Variants in STAT4 observed in about 807,000 individuals in gnomAD.
The protein encoded by STAT4 is signal transducer and activator of transcription 4.
STAT4 carries 42 observed loss-of-function variants against 110.5 expected under a neutral mutation model. That is an observed-to-expected ratio of 0.38 (90% CI 0.30 to 0.49). STAT4 has a LOEUF of 0.49. STAT4 is among the 20% of genes least tolerant of loss of function. STAT4 has a pLI of 0.95. For synonymous variants in STAT4, 284 were observed against 302.2 expected (o/e 0.94, Z 0.63); for missense variants, 632 against 887.9 (o/e 0.71, Z 3.66).
At chr2:191,105,228 C>G (rs1243323116) in intron 3 of STAT4, among the ~76,000 whole-genome samples, 1 of 152,176 alleles carries the variant, frequency 6.6e-6, no homozygotes, top group Non-Finnish European at 1.5e-5. Flanking sequence ...CCCTTGCTCA[C>G]CAGAAGGTTA....
rs1574133004 is a variant in STAT4, at chr2:191,075,981, C to A, written c.372+246G>T. ...TCCTTCTATCTCAGCCTCCACAGAG[C>A]TAGGACTATAGGCATGTGCCACCAT... On this transcript the variant is annotated intron_variant, in intron 4 of 23. Transcript: ENST00000392320. 8 of 403,008 alleles carry A rather than the reference C, an allele frequency of 2.0e-5. No individual in the cohort carries two copies. In the East Asian group the frequency reaches 3.5e-4, roughly 18 times the overall value. The allele number at this position is 403,008 out of a possible 1,614,324, so 25.0% of individuals were successfully genotyped here. A position where few individuals can be genotyped will look rare whatever the true frequency, so the allele number is the denominator to read the frequency against.
intron 3 of STAT4, among the ~76,000 whole-genome samples, chr2:191,108,245 C>T (rs1052301862): frequency 6.0e-5 from 9 of 150,890 alleles, no homozygotes; most frequent in African/African-American, 1.7e-4. Context: ...GAGCCGAGAT[C>T]GCGCCACTAC....
chr2:191,124,522 A>G (rs2125400090), intron 3 of STAT4, among the ~76,000 whole-genome samples: 1 of 152,138 alleles, frequency 6.6e-6, no homozygotes, highest in African/African-American at 2.4e-5. Context: ...AAGCAGTGGA[A>G]AACAAAGATG....
chr2:191,069,547 A>C, intron 6 of STAT4, 146 bp downstream of exon 6: 1 of 639,368 alleles, frequency 1.6e-6, no homozygotes, highest in Non-Finnish European at 2.7e-6. Flanking sequence ...AGAGATAAGG[A>C]AGAAGCAAAA....
At chr2:191,057,989 A>AT in intron 13 of STAT4, 29 bp downstream of exon 13, 1 of 1,564,404 alleles carries the variant, frequency 6.4e-7, no homozygotes, top group Non-Finnish European at 8.8e-7. Context: ...GGGAAAAAAA[A>AT]GCCTGTTTAA....
Position 191,146,724 on chromosome 2 carries a change from C to T in STAT4, c.162G>A (p.Thr54=), listed in dbSNP as rs867270053. Residue 54 remains threonine, a synonymous_variant, in exon 3 of 24, where the codon ACG becomes ACA. Transcript: ENST00000392320. The surrounding 1 kb of genome is among the most constrained non-coding windows in gnomAD (Gnocchi z 4.5). ...GTATTAACAAGTTTTGAAGAAGAAT[C>T]GTTGCCATGGTTTCATTGTTAGAAG... is the stretch of plus-strand genomic sequence containing the variant. ...EAASNNETMA[T]ILLQNLLIQL... 5.7e-6 allele frequency: 9 copies of T among 1,572,766 alleles called. No individual in the cohort carries two copies. Among genetic ancestry groups the T allele is most frequent in the South Asian group, 1.2e-5 (1 of 82,446 alleles).
intron 3 of STAT4, among the ~76,000 whole-genome samples, chr2:191,078,099 G>GT (rs1003121219): frequency 4.8e-4 from 24 of 50,194 alleles, no homozygotes; most frequent in East Asian, 0.015. Flanking sequence ...TTATTCCATT[G>GT]TTAAAAAAAG....
rs1379354298 is a variant in STAT4 at position 191,059,590 on chromosome 2, A to G, written c.1035-821T>C. On this transcript the variant is annotated intron_variant, in intron 10 of 23. Coordinates refer to ENST00000392320, the MANE Select transcript of STAT4 (RefSeq NM_003151.4). This position sits in a 1 kb window ranked among gnomAD's most constrained non-coding sequence, Gnocchi z 4.7. ...CCCTTAGGTACTAGAGAACTGATGT[A>G]GCAAAGACTGCAGAAGGGAGAAACG... Among the ~76,000 whole-genome samples, 3 of 152,262 alleles carry G rather than the reference A, an allele frequency of 2.0e-5. No homozygotes were observed. The East Asian group carries it at 5.8e-4, about 29-fold the overall frequency.
Position 191,147,797 on chromosome 2 carries a change from T to A in STAT4, c.128+279A>T, listed in dbSNP as rs1699497007. Among the ~76,000 whole-genome samples, 2 of 152,182 alleles carry A rather than the reference T, an allele frequency of 1.3e-5. No homozygotes were observed. ...TGAGTCTGTGATAGAGAACTGACAA[T>A]CAATTGATTTGCTTCTTTTTTTAAT... On this transcript the variant is annotated intron_variant, in intron 2 of 23. Transcript: ENST00000392320. This position sits in a 1 kb window ranked among gnomAD's most constrained non-coding sequence, Gnocchi z 4.1.
At chr2:191,121,087 C>G (rs1698713215) in intron 3 of STAT4, among the ~76,000 whole-genome samples, 1 of 152,160 alleles carries the variant, frequency 6.6e-6, no homozygotes, top group South Asian at 2.1e-4. Flanking sequence ...AAAAAACAAA[C>G]AACCCCATCA....
At chr2:191,121,210 A>G (rs1346307467) in intron 3 of STAT4, among the ~76,000 whole-genome samples, 2 of 152,260 alleles carry the variant, frequency 1.3e-5, no homozygotes, top group African/African-American at 4.8e-5. Context: ...TGTAAATCAA[A>G]ACTACAATGA....
At chr2:191,064,278 G>A (rs939968018) in intron 8 of STAT4, among the ~76,000 whole-genome samples, 4 of 152,170 alleles carry the variant, frequency 2.6e-5, no homozygotes, top group Non-Finnish European at 5.9e-5. Context: ...TCTGTGGTAA[G>A]AGCTATTAAA....
Position 191,066,621 on chromosome 2 carries a change from TA to T in STAT4, c.545-107del. 1.0e-6 allele frequency: 1 copy of T among 967,690 alleles called. No homozygotes were observed. The highest frequency in any genetic ancestry group is 1.6e-6 in the Non-Finnish European group (1 of 637,900). 59.9% of individuals were successfully genotyped at this position (967,690 alleles called of 1,614,324 possible). On this transcript the variant is annotated intron_variant, in intron 6 of 23. Coordinates refer to ENST00000392320, the MANE Select transcript of STAT4 (RefSeq NM_003151.4). This position sits in a 1 kb window ranked among gnomAD's most constrained non-coding sequence, Gnocchi z 4.3. ...GCCCTGGCCCGGAGAACTTATGTGG[TA>T]AGAGACTAATTGGGTTCACTAGAGG... is the stretch of plus-strand genomic sequence containing the variant.
At chr2:191,149,351 T>G (rs549950712) in intron 1 of STAT4, among the ~76,000 whole-genome samples, 1 of 150,818 alleles carries the variant, frequency 6.6e-6, no homozygotes, top group South Asian at 2.1e-4. Context: ...ACTTAAAATT[T>G]ATAAAAAAAC....
rs371265584 is a variant in STAT4, at chr2:191,034,665, A to T, written c.1571-68T>A. 2,005 of 1,194,682 alleles carry T rather than the reference A, an allele frequency of 1.7e-3. 3 individuals carry two copies. The highest frequency in any genetic ancestry group is 2.2e-3 in the Non-Finnish European group (1,763 of 798,188). 74.0% of individuals were successfully genotyped at this position (1,194,682 alleles called of 1,614,324 possible). A position where few individuals can be genotyped will look rare whatever the true frequency, so the allele number is the denominator to read the frequency against. ...GATGCTTCAATTTTGTGCTCAATTT[A>T]GATATTTTGCCTCTTCCCTTTCAAG... is the stretch of plus-strand genomic sequence containing the variant. On this transcript the variant is annotated intron_variant, in intron 17 of 23. Transcript: ENST00000392320.
In STAT4 at chr2:191,042,548, T is replaced by A. The variant is rs886390888; in HGVS notation, c.1252-1400A>T. Among the ~76,000 whole-genome samples the A allele has an allele frequency of 2.6e-5, 4 of 152,240 alleles. No individual in the cohort carries two copies. The highest frequency in any genetic ancestry group is 4.4e-5 in the Non-Finnish European group (3 of 68,014). On this transcript the variant is annotated intron_variant, in intron 14 of 23. Coordinates refer to ENST00000392320, the MANE Select transcript of STAT4 (RefSeq NM_003151.4). The surrounding 1 kb of genome is among the most constrained non-coding windows in gnomAD (Gnocchi z 4.2). ...ATAGGATTTTATTAAGGAAGCATTT[T>A]AAAAAAATTATTATTTTGGTTTTTG...
At chr2:191,151,271 G>A (rs945449698), upstream of STAT4, 1 of 985,586 alleles carries the variant, frequency 1.0e-6, no homozygotes, top group Non-Finnish European at 1.2e-6. The surrounding 1 kb of genome is among the most constrained non-coding windows in gnomAD (Gnocchi z 4.7). Flanking sequence ...GGGGAGGGGC[G>A]GGGCATACAT....
chr2:191,143,717 G>C lies in STAT4; in HGVS notation c.273+2896C>G, dbSNP rs1009720281. Among the ~76,000 whole-genome samples the C allele has an allele frequency of 2.0e-5, 3 of 152,068 alleles. No homozygotes were observed. The highest frequency in any genetic ancestry group is 7.2e-5 in the African/African-American group (3 of 41,402). ...CCTTTTTGCTGTAATTGTCAACATGGTTTGTATTTAAAATCCCAGAGGATG... is the reference window on the plus strand; with the variant it reads ...CCTTTTTGCTGTAATTGTCAACATGCTTTGTATTTAAAATCCCAGAGGATG... On this transcript the variant is annotated intron_variant, in intron 3 of 23. Coordinates refer to ENST00000392320, the MANE Select transcript of STAT4 (RefSeq NM_003151.4). This position sits in a 1 kb window ranked among gnomAD's most constrained non-coding sequence, Gnocchi z 5.6.
At chr2:191,106,456 T>C (rs997980012) in intron 3 of STAT4, among the ~76,000 whole-genome samples, 2 of 151,722 alleles carry the variant, frequency 1.3e-5, no homozygotes, top group Non-Finnish European at 2.9e-5. Flanking sequence ...GGTCAGGAGT[T>C]CGAGTCTGGC....
Sources: allele counts gnomAD v4.1 joint callset (sites outside exome capture counted in the v4.1 genomes callset), GRCh38; gene constraint gnomAD v4.1.1; non-coding constraint Gnocchi (gnomAD v3.1); transcripts MANE v1.5; gene names NCBI Gene and HGNC (gene_info 2026-07-23, HGNC 2026-07-21).